Variants in ITGBL1 observed in about 807,000 individuals in gnomAD.
ITGBL1 encodes the protein integrin subunit beta like 1.
ITGBL1 carries 51 observed loss-of-function variants against 68.5 expected under a neutral mutation model. The observed-to-expected ratio is 0.74, with a 90% CI of 0.59 to 0.94. The LOEUF (loss-of-function observed/expected upper bound fraction) is 0.94. Ranked by LOEUF, ITGBL1 falls within the 40% of genes least tolerant of loss-of-function variation. ITGBL1 has a pLI of 0.00. For synonymous variants in ITGBL1, 209 were observed against 227.3 expected, an observed-to-expected ratio of 0.92 and a Z score of 0.72; for missense variants, 649 against 647.4, an observed-to-expected ratio of 1.00 and a Z score of -0.03.
intron 6 of ITGBL1, among the ~76,000 whole-genome samples, chr13:101,593,506 T>A (rs566793944): frequency 6.6e-6 from 1 of 152,162 alleles, no homozygotes; most frequent in East Asian, 1.9e-4. Flanking sequence ...GTAGTCAAGA[T>A]ATGGAATCAA....
At chr13:101,564,995 CA>C (rs571221229) in intron 2 of ITGBL1, among the ~76,000 whole-genome samples, 23 of 151,974 alleles carry the variant, frequency 1.5e-4, no homozygotes, top group Non-Finnish European at 2.8e-4. Flanking sequence ...CTGCAACCAC[CA>C]GCAACTGAGA....
At chr13:101,551,079 A>G (rs1269552106) in intron 2 of ITGBL1, among the ~76,000 whole-genome samples, 6 of 152,158 alleles carry the variant, frequency 3.9e-5, no homozygotes, top group African/African-American at 7.2e-5. Context: ...TCATGTAGGC[A>G]TGATGGAGAG....
chr13:101,518,445 G>A (rs1197660366), intron 2 of ITGBL1, among the ~76,000 whole-genome samples: 4 of 152,088 alleles, frequency 2.6e-5, no homozygotes, highest in East Asian at 1.9e-4. Context: ...TAAGAGTCAC[G>A]TTTAAAATGG....
At chr13:101,459,253 G>T (rs72657123) in intron 2 of ITGBL1, among the ~76,000 whole-genome samples, 46 of 152,260 alleles carry the variant, frequency 3.0e-4, no homozygotes, top group Non-Finnish European at 5.9e-4. Flanking sequence ...GTTAACGTGG[G>T]TTAACTTGTT....
chr13:101,627,185 TC>T (rs1276156301), intron 7 of ITGBL1, among the ~76,000 whole-genome samples: 1 of 152,224 alleles, frequency 6.6e-6, no homozygotes, highest in Non-Finnish European at 1.5e-5. Context: ...ATAAGATTCC[TC>T]TTTCATGTAA....
intron 7 of ITGBL1, among the ~76,000 whole-genome samples, chr13:101,631,455 G>C (rs2031975376): frequency 1.3e-5 from 2 of 151,828 alleles, no homozygotes; most frequent in South Asian, 4.1e-4. Flanking sequence ...GAGGAGGAAA[G>C]GCATTTAATG....
intron 2 of ITGBL1, among the ~76,000 whole-genome samples, chr13:101,488,851 T>G (rs2048736521): frequency 6.6e-6 from 1 of 151,790 alleles, no homozygotes. Context: ...AAAAAGGGAG[T>G]TATATTCCTT....
chr13:101,670,763 G>C (rs542887137), intron 7 of ITGBL1, among the ~76,000 whole-genome samples: 5 of 152,140 alleles, frequency 3.3e-5, no homozygotes, highest in African/African-American at 1.2e-4. Flanking sequence ...GTTATTAAAC[G>C]AATTAGGCTT....
chr13:101,586,446 C>T (rs529332396), intron 6 of ITGBL1, among the ~76,000 whole-genome samples: 1 of 152,322 alleles, frequency 6.6e-6, no homozygotes, highest in African/African-American at 2.4e-5. Flanking sequence ...CTCATATTTA[C>T]AGAGACTCTA....
At chr13:101,644,834 A>T (rs1413860856) in intron 7 of ITGBL1, among the ~76,000 whole-genome samples, 1 of 152,220 alleles carries the variant, frequency 6.6e-6, no homozygotes, top group Non-Finnish European at 1.5e-5. Flanking sequence ...TAATGAAAAT[A>T]TTAGAATGTA....
At chr13:101,694,167 C>T (rs35098949) in intron 8 of ITGBL1, among the ~76,000 whole-genome samples, 5,576 of 152,224 alleles carry the variant, frequency 0.037, 125 homozygotes, top group East Asian at 0.097. Context: ...GTGACACCAA[C>T]GTGTTTTAAC....
intron 7 of ITGBL1, among the ~76,000 whole-genome samples, chr13:101,665,392 G>T (rs551968464): frequency 2.1e-4 from 32 of 151,832 alleles, no homozygotes; most frequent in Admixed American, 1.0e-3. Flanking sequence ...TATTATAAAT[G>T]ACATAATTTT....
chr13:101,578,944 C>G (rs1375687565), intron 4 of ITGBL1, among the ~76,000 whole-genome samples: 4 of 152,018 alleles, frequency 2.6e-5, no homozygotes, highest in African/African-American at 9.7e-5. Flanking sequence ...AAGAAACGTC[C>G]TTAGAGTGAA....
At chr13:101,682,355 G>A (rs1414581660) in intron 7 of ITGBL1, among the ~76,000 whole-genome samples, 3 of 152,030 alleles carry the variant, frequency 2.0e-5, no homozygotes, top group Admixed American at 6.6e-5. Flanking sequence ...TGTCTTTCTA[G>A]TATTAAAATA....
chr13:101,575,524 T>C lies in ITGBL1; in HGVS notation c.564T>C (p.Asp188=), dbSNP rs2139270965. 1 of 1,612,586 alleles carries C rather than the reference T, an allele frequency of 6.2e-7. No individual in the cohort carries two copies. The highest frequency in any genetic ancestry group is 2.2e-5 in the East Asian group (1 of 44,800). ...CECDDRECID[D]ETEEICGGHG... is the part of the protein sequence containing the mutation. ...GTGACGATAGAGAATGCATAGACGA[T>C]GAAACAGAAGAAATATGTGGAGGTA... The change falls in exon 4 of 11, where the codon GAT becomes GAC. Residue 188 remains aspartate (D), a synonymous_variant. Coordinates refer to ENST00000376180, the MANE Select transcript of ITGBL1 (RefSeq NM_004791.3).
intron 2 of ITGBL1, among the ~76,000 whole-genome samples, chr13:101,508,004 G>A (rs2049053378): frequency 6.6e-6 from 1 of 152,062 alleles, no homozygotes; most frequent in Non-Finnish European, 1.5e-5. Flanking sequence ...CTAACCTATT[G>A]ACATATTTCA....
intron 2 of ITGBL1, among the ~76,000 whole-genome samples, chr13:101,474,324 T>A (rs2048504740): frequency 6.6e-6 from 1 of 152,056 alleles, no homozygotes; most frequent in Admixed American, 6.5e-5. Context: ...GGATAGACAC[T>A]CTTTCTGACT....
chr13:101,567,304 A>T (rs527451387), intron 2 of ITGBL1, among the ~76,000 whole-genome samples: 1 of 152,216 alleles, frequency 6.6e-6, no homozygotes, highest in African/African-American at 2.4e-5. Context: ...AAGAGTCTTT[A>T]TTCATGGTTT....
intron 7 of ITGBL1, among the ~76,000 whole-genome samples, chr13:101,607,684 T>G (rs1377368993): frequency 8.6e-5 from 13 of 151,988 alleles, no homozygotes; most frequent in Admixed American, 8.6e-4. Context: ...ATTATACAGG[T>G]GTGCTCTCCT....
Sources: allele counts gnomAD v4.1 joint callset (sites outside exome capture counted in the v4.1 genomes callset), GRCh38; gene constraint gnomAD v4.1.1; transcripts MANE v1.5; gene names NCBI Gene and HGNC (gene_info 2026-07-23, HGNC 2026-07-21).